NUP210L: variants seen among roughly 807,000 people sequenced by gnomAD.
NUP210L encodes nuclear pore membrane glycoprotein 210-like.
Under a neutral mutation model 208.5 loss-of-function variants are expected in NUP210L, and 74 were observed. That is an observed-to-expected ratio of 0.35 (90% CI 0.29 to 0.43). The LOEUF is 0.43. NUP210L is among the 20% of genes least tolerant of loss of function. The pLI is 1.00. For synonymous variants in NUP210L, 780 were observed against 816.9 expected (o/e 0.95, Z 0.77); for missense variants, 1,843 against 2,289.4 (o/e 0.81, Z 3.98).
At chr1:154,109,788 C>T (rs763778240) in intron 12 of NUP210L, among the ~76,000 whole-genome samples, 1 of 151,172 alleles carries the variant, frequency 6.6e-6, no homozygotes, top group African/African-American at 2.5e-5. Context: ...AAACAACTTG[C>T]TCCTGAATGA....
chr1:154,124,959 A>T (rs1359285694), intron 10 of NUP210L, among the ~76,000 whole-genome samples: 1 of 151,222 alleles, frequency 6.6e-6, no homozygotes, highest in Non-Finnish European at 1.5e-5. Context: ...CTCCAAAAAA[A>T]GAAAAATAAA....
chr1:154,124,217 A>C (rs1450147249), intron 10 of NUP210L, among the ~76,000 whole-genome samples: 1 of 148,078 alleles, frequency 6.8e-6, no homozygotes, highest in African/African-American at 2.5e-5. Context: ...AGAGAGAGAG[A>C]GAGCACAACG....
chr1:154,113,309 G>T (rs1657139917), intron 12 of NUP210L, among the ~76,000 whole-genome samples: 1 of 150,184 alleles, frequency 6.7e-6, no homozygotes, highest in South Asian at 2.1e-4. Context: ...AATGGTCCAG[G>T]TCTCTTTTAT....
At chr1:154,013,833 C>T (rs938878535) in intron 33 of NUP210L, among the ~76,000 whole-genome samples, 16 of 152,066 alleles carry the variant, frequency 1.1e-4, no homozygotes, top group Admixed American at 1.3e-4. Flanking sequence ...GGCGCAATTT[C>T]GGCTCACTGC....
intron 35 of NUP210L, among the ~76,000 whole-genome samples, chr1:154,004,291 G>A (rs1355490754): frequency 4.0e-5 from 6 of 151,762 alleles, no homozygotes; most frequent in Admixed American, 6.6e-5. Flanking sequence ...AGATGGTCTC[G>A]ATCTCCTGAC....
chr1:154,060,018 C>A (rs1489674206), intron 20 of NUP210L, among the ~76,000 whole-genome samples: 1 of 152,144 alleles, frequency 6.6e-6, no homozygotes, highest in African/African-American at 2.4e-5. Context: ...TTGGGCAGAT[C>A]ACTTGAGGTC....
intron 7 of NUP210L, among the ~76,000 whole-genome samples, chr1:154,134,429 T>C (rs1229911237): frequency 6.7e-6 from 1 of 148,518 alleles, no homozygotes; most frequent in African/African-American, 2.4e-5. Context: ...GTACCTTTTT[T>C]TTTTTTTTTT....
chr1:154,105,999 A>T (rs915881884), intron 12 of NUP210L, among the ~76,000 whole-genome samples: 2 of 152,060 alleles, frequency 1.3e-5, no homozygotes, highest in East Asian at 1.9e-4. Flanking sequence ...GGTGGCTTAC[A>T]CCTGTAATCC....
chr1:154,053,048 A>G (rs1299898980), intron 25 of NUP210L, among the ~76,000 whole-genome samples: 2 of 152,260 alleles, frequency 1.3e-5, no homozygotes, highest in Non-Finnish European at 2.9e-5. Context: ...ATTTGTGGAA[A>G]CTATTAATGG....
chr1:154,116,558 G>C (rs1268672431), intron 12 of NUP210L, among the ~76,000 whole-genome samples: 1 of 152,026 alleles, frequency 6.6e-6, no homozygotes, highest in Non-Finnish European at 1.5e-5. Context: ...GTGAGACCCT[G>C]TCTCTACAAA....
At chr1:154,039,728 C>G (rs1652758904) in intron 27 of NUP210L, among the ~76,000 whole-genome samples, 1 of 151,960 alleles carries the variant, frequency 6.6e-6, no homozygotes, top group Admixed American at 6.6e-5. Context: ...CTTTAGGATC[C>G]TTTCTTTATA....
rs1050005662 is a variant in NUP210L at position 154,149,192 on chromosome 1, T to A, written c.340+3544A>T. ...CCTCCACCTCCCGGGTCCAAGTGAT[T>A]CTCCTGCCTCAGCCTCCCAAGTAGC... On this transcript the variant is annotated intron_variant, in intron 2 of 39. Transcript: ENST00000368559. 2.0e-5 allele frequency among the ~76,000 whole-genome samples: 3 copies of A among 148,296 alleles called. No homozygotes were observed. In the East Asian group the frequency reaches 6.2e-4, roughly 30 times the overall value.
intron 25 of NUP210L, among the ~76,000 whole-genome samples, chr1:154,053,608 G>A (rs532688286): frequency 5.3e-5 from 8 of 152,352 alleles, no homozygotes; most frequent in Non-Finnish European, 1.0e-4. Flanking sequence ...GCATTCCTAA[G>A]CCACAAACAA....
chr1:154,028,051 T>C, intron 28 of NUP210L, among the ~76,000 whole-genome samples: 1 of 151,426 alleles, frequency 6.6e-6, no homozygotes, highest in Non-Finnish European at 1.5e-5. Context: ...CTACTTCACA[T>C]GGAATCAGAG....
At chr1:154,116,450 T>C (rs984142609) in intron 12 of NUP210L, among the ~76,000 whole-genome samples, 4 of 143,980 alleles carry the variant, frequency 2.8e-5, no homozygotes, top group Admixed American at 7.0e-5. Context: ...AAAATGGGGC[T>C]GGGTACAGTG....
At chr1:153,999,295 T>C (rs1028380882) in intron 37 of NUP210L, among the ~76,000 whole-genome samples, 3 of 152,214 alleles carry the variant, frequency 2.0e-5, no homozygotes, top group Non-Finnish European at 4.4e-5. Flanking sequence ...TTCGTAACTA[T>C]TCCCATCCTA....
intron 10 of NUP210L, among the ~76,000 whole-genome samples, chr1:154,120,738 T>C (rs1657577654): frequency 6.7e-6 from 1 of 150,008 alleles, no homozygotes; most frequent in African/African-American, 2.5e-5. Flanking sequence ...TACCTAAAGA[T>C]ACAAAAAATT....
At chr1:154,060,665 T>A in intron 19 of NUP210L, 24 bp from the exon 20 acceptor site, 1 of 1,474,130 alleles carries the variant, frequency 6.8e-7, no homozygotes, top group Non-Finnish European at 9.5e-7. Flanking sequence ...AGACAAACAA[T>A]ATTCTGTTTG....
intron 25 of NUP210L, among the ~76,000 whole-genome samples, chr1:154,047,020 C>T (rs567054281): frequency 1.3e-5 from 2 of 152,040 alleles, no homozygotes; most frequent in African/African-American, 2.4e-5. Context: ...ATCATGCCAT[C>T]GCACTCCAGC....
Sources: gnomAD v4.1 joint callset for allele counts (sites outside exome capture counted in the v4.1 genomes callset) on GRCh38, gnomAD v4.1.1 for gene constraint, MANE v1.5 for transcripts, NCBI Gene and HGNC (gene_info 2026-07-23, HGNC 2026-07-21) for gene names.